The following PTP4A2 variants were observed in gnomAD, a reference collection of about 807,000 sequenced individuals.
The protein encoded by PTP4A2 is protein tyrosine phosphatase 4A2.
PTP4A2 carries 2 observed loss-of-function variants against 22.9 expected under a neutral mutation model. The ratio of observed to expected loss-of-function variants is 0.09; its 90% confidence interval spans 0.04 to 0.27. The LOEUF (loss-of-function observed/expected upper bound fraction) is 0.27, where lower values mean the gene tolerates loss of function less well. Ranked by LOEUF, PTP4A2 falls within the 10% of genes least tolerant of loss-of-function variation. The pLI is 1.00. For synonymous variants in PTP4A2, 68 were observed against 69.1 expected, an observed-to-expected ratio of 0.98 and a Z score of 0.08; for missense variants, 103 against 205.1, an observed-to-expected ratio of 0.50 and a Z score of 3.04.
At chr1:31,912,419 A>G (rs1206194846) in intron 3 of PTP4A2, among the ~76,000 whole-genome samples, 1 of 152,234 alleles carries the variant, frequency 6.6e-6, no homozygotes, top group African/African-American at 2.4e-5. Flanking sequence ...AGTGCTTACT[A>G]AATTATATAT....
intron 4 of PTP4A2, 122 bp from the exon 5 acceptor site, chr1:31,910,234 G>T: frequency 1.5e-6 from 1 of 675,500 alleles, no homozygotes; most frequent in Non-Finnish European, 2.6e-6. Context: ...TACTAAAGTA[G>T]CTGGTATCTG....
At chr1:31,917,713 C>T (rs535427459) in intron 2 of PTP4A2, among the ~76,000 whole-genome samples, 311 of 152,098 alleles carry the variant, frequency 2.0e-3, no homozygotes, top group African/African-American at 7.1e-3. Context: ...CAGTGGCTCA[C>T]GCCTGTAATC....
chr1:31,938,119 C>T lies in PTP4A2; in HGVS notation c.-726G>A, dbSNP rs985434200. The stretch of plus-strand genomic sequence containing the variant: ...GCGGCGGCGACGACTCCCCCCCAGC[C>T]TCGGCGCGCGACACCCGGCCCGGCC... On this transcript the variant is annotated 5_prime_UTR_variant, in exon 1 of 6. Coordinates refer to ENST00000647444, the MANE Select transcript of PTP4A2 (RefSeq NM_080391.4). The surrounding 1 kb of genome is among the most constrained non-coding windows in gnomAD (Gnocchi z 4.4). 1.3e-5 allele frequency: 2 copies of T among 150,448 alleles called. No individual in the cohort carries two copies. Among genetic ancestry groups the T allele is most frequent in the African/African-American group, 4.9e-5 (2 of 40,626 alleles). 9.3% of individuals were successfully genotyped at this position (150,448 alleles called of 1,614,324 possible). A position where few individuals can be genotyped will look rare whatever the true frequency, so the allele number is the denominator to read the frequency against.
Position 31,907,197 on chromosome 1 carries a change from A to AT in PTP4A2, c.*1654dup, listed in dbSNP as rs1651215888. On this transcript the variant is annotated 3_prime_UTR_variant, in exon 6 of 6. Transcript: ENST00000647444. ...CTGACGCTAACAAAATGGGAGGCTT[A>AT]TGGCTCTGCACAGCAAATTCCAGCA... 1 of 152,244 alleles carries AT rather than the reference A, an allele frequency of 6.6e-6. No individual in the cohort carries two copies. The highest frequency in any genetic ancestry group is 1.5e-5 in the Non-Finnish European group (1 of 68,076). The allele number at this position is 152,244 out of a possible 1,614,324, so 9.4% of individuals were successfully genotyped here. A position where few individuals can be genotyped will look rare whatever the true frequency, so the allele number is the denominator to read the frequency against.
chr1:31,909,024 C>A, intron 5 of PTP4A2, 64 bp from the exon 6 acceptor site: 1 of 1,129,312 alleles, frequency 8.9e-7, no homozygotes, highest in Non-Finnish European at 1.3e-6. Flanking sequence ...CACTGAAATG[C>A]ATTATTTACA....
At chr1:31,934,250 C>T (rs1010882594) in intron 1 of PTP4A2, among the ~76,000 whole-genome samples, 4 of 152,138 alleles carry the variant, frequency 2.6e-5, no homozygotes, top group African/African-American at 9.7e-5. Context: ...AAGGGCAAAA[C>T]TCCGTCTTAA....
At chr1:31,929,707 A>G (rs1422668514) in intron 1 of PTP4A2, among the ~76,000 whole-genome samples, 1 of 152,188 alleles carries the variant, frequency 6.6e-6, no homozygotes, top group African/African-American at 2.4e-5. Flanking sequence ...AATCATTTTA[A>G]TTTAGTTTCC....
chr1:31,921,384 C>T (rs939178916), intron 1 of PTP4A2: 5 of 152,126 alleles, frequency 3.3e-5, no homozygotes, highest in Non-Finnish European at 5.9e-5. Context: ...CCTCTCCTTT[C>T]TATTTCAGTT....
At chr1:31,909,405 G>A (rs546593656) in intron 5 of PTP4A2, among the ~76,000 whole-genome samples, 1 of 152,238 alleles carries the variant, frequency 6.6e-6, no homozygotes, top group East Asian at 1.9e-4. Flanking sequence ...GCCAGGCGTG[G>A]TGGCTCACGC....
intron 1 of PTP4A2, among the ~76,000 whole-genome samples, chr1:31,923,460 G>C (rs368295847): frequency 0.013 from 1,986 of 147,272 alleles, 45 homozygotes; most frequent in African/African-American, 0.045. Context: ...TCAGCCTCCC[G>C]AGTAGCTGGG....
At chr1:31,909,650 C>T (rs1426484887) in intron 5 of PTP4A2, among the ~76,000 whole-genome samples, 2 of 149,864 alleles carry the variant, frequency 1.3e-5, no homozygotes, top group African/African-American at 2.5e-5. Flanking sequence ...CCAGCTTGAG[C>T]AACAGAGCGA....
intron 1 of PTP4A2, among the ~76,000 whole-genome samples, chr1:31,936,612 T>C (rs1025436386): frequency 5.3e-5 from 8 of 152,126 alleles, no homozygotes; most frequent in African/African-American, 1.9e-4. Context: ...AATCCCTACT[T>C]TTACAACACA....
chr1:31,912,608 G>A (rs940508280), intron 3 of PTP4A2, among the ~76,000 whole-genome samples: 1 of 152,122 alleles, frequency 6.6e-6, no homozygotes, highest in African/African-American at 2.4e-5. Context: ...TTAGCAAGAG[G>A]TCCTAAGAAA....
intron 4 of PTP4A2, 149 bp from the exon 5 acceptor site, chr1:31,910,261 T>TA (rs1291784710): frequency 5.6e-5 from 32 of 576,454 alleles, no homozygotes; most frequent in Admixed American, 1.2e-4. Flanking sequence ...ACAGTAAATA[T>TA]ATCTCATCAT....
At chr1:31,923,463 T>C (rs1400569677) in intron 1 of PTP4A2, among the ~76,000 whole-genome samples, 2 of 150,128 alleles carry the variant, frequency 1.3e-5, no homozygotes, top group South Asian at 2.1e-4. Context: ...GCCTCCCGAG[T>C]AGCTGGGACT....
chr1:31,909,516 A>G (rs1651418377), intron 5 of PTP4A2, among the ~76,000 whole-genome samples: 1 of 152,068 alleles, frequency 6.6e-6, no homozygotes, highest in Admixed American at 6.6e-5. Flanking sequence ...TACTAAAAAT[A>G]CAAAAATTAG....
At chr1:31,923,262 A>C (rs1485908348) in intron 1 of PTP4A2, among the ~76,000 whole-genome samples, 1 of 150,592 alleles carries the variant, frequency 6.6e-6, no homozygotes, top group African/African-American at 2.4e-5. Flanking sequence ...GCTGGAATGC[A>C]GTGGTGCAAT....
intron 2 of PTP4A2, among the ~76,000 whole-genome samples, chr1:31,918,296 A>G (rs1208168381): frequency 6.6e-6 from 1 of 152,190 alleles, no homozygotes; most frequent in Non-Finnish European, 1.5e-5. Flanking sequence ...AAGAAGTACA[A>G]AGAGTTTTTT....
intron 1 of PTP4A2, chr1:31,924,135 T>C (rs1006558362): frequency 6.6e-6 from 1 of 152,204 alleles, no homozygotes; most frequent in African/African-American, 2.4e-5. Flanking sequence ...AGCTCCAGCA[T>C]TAAGTTTTCT....
Sources: allele counts gnomAD v4.1 joint callset (sites outside exome capture counted in the v4.1 genomes callset), GRCh38; gene constraint gnomAD v4.1.1; non-coding constraint Gnocchi (gnomAD v3.1); transcripts MANE v1.5; gene names NCBI Gene and HGNC (gene_info 2026-07-23, HGNC 2026-07-21).